Variants in HMX1 observed in about 807,000 individuals in gnomAD.
The protein encoded by HMX1 is H6 family homeobox 1, also known as homeobox protein HMX1.
HMX1 carries 8 observed loss-of-function variants against 8.9 expected under a neutral mutation model. That is an observed-to-expected ratio of 0.90 (90% CI 0.53 to 1.63). The LOEUF is 1.63. Among genes scored for constraint, HMX1 ranks in the 40% most tolerant of loss-of-function variants. HMX1 has a pLI of 0.00. For missense variants in HMX1, 621 were observed against 558.5 expected (o/e 1.11, Z -1.13); for synonymous variants, 311 against 283.4 (o/e 1.10, Z -0.98).
At position 8,870,123 on chromosome 4, in the gene HMX1, C is replaced by T. The variant is rs1577201707; in HGVS notation, c.394+1098G>A. 6.6e-6 allele frequency among the ~76,000 whole-genome samples: 1 copy of T among 152,166 alleles called. No homozygotes were observed. The highest frequency in any genetic ancestry group is 1.9e-4 in the East Asian group (1 of 5,154). ...GGGTCGTAGGCCACTTACTCCCCAG[C>T]ACACACTAATATTCATACAGAGGAC... On this transcript the variant is annotated intron_variant, in intron 1 of 1. Coordinates refer to ENST00000400677, the MANE Select transcript of HMX1 (RefSeq NM_018942.3). This position sits in a 1 kb window ranked among gnomAD's most constrained non-coding sequence, Gnocchi z 4.4.
intron 1 of HMX1, among the ~76,000 whole-genome samples, chr4:8,857,666 C>T (rs962841381): frequency 1.3e-5 from 2 of 152,226 alleles, no homozygotes; most frequent in African/African-American, 4.8e-5. Context: ...CGGATCGTTC[C>T]GCCGTTCGCC....
At chr4:8,862,099 G>A (rs956237403), downstream of HMX1, among the ~76,000 whole-genome samples, 1 of 152,256 alleles carries the variant, frequency 6.6e-6, no homozygotes, top group Non-Finnish European at 1.5e-5. Context: ...GGGGGAACCC[G>A]GAGGGGGCAC....
chr4:8,859,572 C>G (rs187165242), intron 1 of HMX1, among the ~76,000 whole-genome samples: 6 of 152,240 alleles, frequency 3.9e-5, no homozygotes, highest in Admixed American at 3.9e-4. Context: ...GGGTGCGAGA[C>G]CTCCGGAGCT....
downstream of HMX1, among the ~76,000 whole-genome samples, chr4:8,864,135 G>A (rs1721917418): frequency 6.6e-6 from 1 of 152,246 alleles, no homozygotes; most frequent in Admixed American, 6.5e-5. Flanking sequence ...GGCCCTGGGA[G>A]CTGGGGAGGG....
At chr4:8,860,267 AG>A (rs1376965224) in intron 1 of HMX1, among the ~76,000 whole-genome samples, 2 of 152,186 alleles carry the variant, frequency 1.3e-5, no homozygotes, top group Non-Finnish European at 2.9e-5. Context: ...GATATACTGC[AG>A]GAGTCCGGGC....
rs1577193317 is a variant in HMX1 at position 8,854,282 on chromosome 4, C to G, written c.395-7958G>C. Among the ~76,000 whole-genome samples, 5 of 152,384 alleles carry G rather than the reference C, an allele frequency of 3.3e-5. No individual in the cohort carries two copies. In the East Asian group the frequency reaches 9.6e-4, roughly 29 times the overall value. On this transcript the variant is annotated intron_variant, in intron 1 of 1. Transcript: ENST00000506970. ...CTGAGGGCTGGGCTCAATCCCCCAG[C>G]AGGGCCTGGGCCCCATACAGGCTGA...
In HMX1 at chr4:8,868,252, T is replaced by G. The variant is rs373760055; in HGVS notation, c.488A>C (p.Glu163Ala). 5.6e-4 allele frequency: 801 copies of G among 1,437,728 alleles called. 10 individuals carry two copies. In the South Asian group the frequency reaches 0.01, roughly 19 times the overall value. 89.1% of individuals were successfully genotyped at this position (1,437,728 alleles called of 1,614,324 possible). ...RGPGPGAVQR[E>A]AAELAARGPA... ...GCCACGCGCCGCCAGCTCCGCTGCC[T>G]CCCGCTGCACCGCTCCCGGCCCGGG... is the stretch of plus-strand genomic sequence containing the variant. Residue 163 changes from glutamate (E) to alanine (A), a missense_variant, in exon 2 of 2, where the codon GAG (glutamate) becomes GCG (alanine). Transcript: ENST00000400677. The surrounding 1 kb of genome is among the most constrained non-coding windows in gnomAD (Gnocchi z 4.6).
chr4:8,851,770 A>G (rs901345969), intron 1 of HMX1, among the ~76,000 whole-genome samples: 1 of 152,222 alleles, frequency 6.6e-6, no homozygotes, highest in Non-Finnish European at 1.5e-5. Flanking sequence ...CCCCAAGTCC[A>G]AGGACTCTTC....
chr4:8,855,003 TC>T (rs1390063642), intron 1 of HMX1, among the ~76,000 whole-genome samples: 2 of 152,236 alleles, frequency 1.3e-5, no homozygotes, highest in East Asian at 3.8e-4. Context: ...AACACACGTG[TC>T]CTGCTAAGTA....
intron 1 of HMX1, among the ~76,000 whole-genome samples, chr4:8,851,149 C>T (rs945683777): frequency 8.5e-5 from 13 of 152,232 alleles, no homozygotes; most frequent in Admixed American, 5.2e-4. Context: ...GACCAGACCC[C>T]GTGTGTCTGA....
chr4:8,846,156 G>A lies in HMX1; in HGVS notation c.563C>T (p.Thr188Ile), dbSNP rs1213816944. 5.9e-5 allele frequency: 63 copies of A among 1,059,286 alleles called. 1 individual carries two copies. In the Admixed American group the frequency reaches 8.2e-4, roughly 14 times the overall value. The allele number at this position is 1,059,286 out of a possible 1,614,324, so 65.6% of individuals were successfully genotyped here. A position where few individuals can be genotyped will look rare whatever the true frequency, so the allele number is the denominator to read the frequency against. The change falls in exon 2 of 2, where the codon ACC becomes ATC. Residue 188 changes from threonine to isoleucine, a missense_variant. Coordinates refer to the HMX1 transcript ENST00000506970. ...CACTGCTCCACGCGGTCACTCGGGG[G>A]TCCAGGCTGACAAAGGCTCCACCGT...
chr4:8,865,348 G>A (rs1027139332), downstream of HMX1, among the ~76,000 whole-genome samples: 6 of 152,200 alleles, frequency 3.9e-5, no homozygotes, highest in African/African-American at 7.2e-5. Flanking sequence ...AGGCGTCCTC[G>A]TGGTGCGAGT....
intron 1 of HMX1, among the ~76,000 whole-genome samples, chr4:8,858,214 G>C (rs1480754123): frequency 2.0e-5 from 3 of 152,152 alleles, no homozygotes; most frequent in Non-Finnish European, 4.4e-5. Context: ...ATGTGCTGAC[G>C]CTGCGGTTAC....
In HMX1 at chr4:8,867,773, C is replaced by G. The variant is rs1272476337; in HGVS notation, c.967G>C (p.Ala323Pro). The G allele has an allele frequency of 3.4e-5, 43 of 1,272,402 alleles. No individual in the cohort carries two copies. Among genetic ancestry groups the G allele is most frequent in the Non-Finnish European group, 4.2e-5 (43 of 1,013,642 alleles). 78.8% of individuals were successfully genotyped at this position (1,272,402 alleles called of 1,614,324 possible). A position where few individuals can be genotyped will look rare whatever the true frequency, so the allele number is the denominator to read the frequency against. ...AAGGCGGCCAGCGGGTAGGCGAGGG[C>G]CCCGGAGAAGCCGAGCAGCGGTGGG... ...PPPPLLGFSG[A>P]LAYPLAAFPA... is the part of the protein sequence containing the mutation. The change falls in exon 2 of 2, where the codon GCC becomes CCC. Residue 323 changes from alanine (A) to proline (P), a missense_variant. By Grantham distance (27) the Ala-to-Pro change is conservative. Transcript: ENST00000400677.
downstream of HMX1, among the ~76,000 whole-genome samples, chr4:8,862,583 A>G (rs1010795668): frequency 1.3e-5 from 2 of 152,184 alleles, no homozygotes; most frequent in Admixed American, 6.5e-5. Flanking sequence ...ACATAAATGC[A>G]TTTTCACTGA....
At chr4:8,869,651 A>G (rs1288309201) in intron 1 of HMX1, among the ~76,000 whole-genome samples, 1 of 152,184 alleles carries the variant, frequency 6.6e-6, no homozygotes, top group African/African-American at 2.4e-5. Flanking sequence ...CACAGCACCC[A>G]CAGGGGAGTC....
intron 1 of HMX1, among the ~76,000 whole-genome samples, chr4:8,856,227 G>A (rs897850801): frequency 6.6e-6 from 1 of 152,168 alleles, no homozygotes; most frequent in Non-Finnish European, 1.5e-5. Flanking sequence ...ATAGACAGTT[G>A]ATAGATTCCT....
chr4:8,867,335 T>C lies in HMX1; in HGVS notation c.*358A>G. ...TTGGACAGCCGGTTCGTAGTTTTCC[T>C]TTGTTGCGCTGGGCTTGGCCTGAGG... On this transcript the variant is annotated 3_prime_UTR_variant, in exon 2 of 2. Transcript: ENST00000400677. The C allele has an allele frequency of 1.0e-6, 1 of 1,002,390 alleles. No individual in the cohort carries two copies. Among genetic ancestry groups the C allele is most frequent in the Non-Finnish European group, 1.2e-6 (1 of 841,420 alleles). The allele number at this position is 1,002,390 out of a possible 1,614,324, so 62.1% of individuals were successfully genotyped here.
At chr4:8,863,862 C>T (rs1174195866), downstream of HMX1, among the ~76,000 whole-genome samples, 1 of 152,240 alleles carries the variant, frequency 6.6e-6, no homozygotes, top group African/African-American at 2.4e-5. Flanking sequence ...CTGGGAATCT[C>T]TGCTCTATAG....
Sources: gnomAD v4.1 joint callset for allele counts (sites outside exome capture counted in the v4.1 genomes callset) on GRCh38, gnomAD v4.1.1 for gene constraint, Gnocchi (gnomAD v3.1) non-coding constraint, MANE v1.5 for transcripts, NCBI Gene and HGNC (gene_info 2026-07-23, HGNC 2026-07-21) for gene names.